Variants in GPHN observed in about 807,000 individuals in gnomAD.
The protein encoded by GPHN is gephyrin.
A neutral mutation model predicts 95.5 loss-of-function variants in GPHN; 17 were observed. The ratio of observed to expected loss-of-function variants is 0.18; its 90% CI spans 0.12 to 0.27. The LOEUF is 0.27. Among genes scored for constraint, GPHN ranks in the 10% least tolerant of loss-of-function variants. GPHN has a pLI of 1.00. For missense variants in GPHN, 660 were observed against 978.1 expected (o/e 0.67, Z 4.34); for synonymous variants, 320 against 322.5 (o/e 0.99, Z 0.08).
At chr14:67,189,837 A>ATTTTTTTTTTTTTTTTTTTTTTTATT in the GPHN span, 1 of 108,096 alleles carries the variant, frequency 9.3e-6, no homozygotes, top group African/African-American at 3.8e-5. Flanking sequence ...ATTTTTTTTA[A>ATTTTTTTTTTTTTTTTTTTTTTTATT]TTTTTTTTTT....
chr14:67,288,246 A>AT, the GPHN span, among the ~76,000 whole-genome samples: 1 of 151,876 alleles, frequency 6.6e-6, no homozygotes, highest in East Asian at 1.9e-4. Flanking sequence ...CACCCAGCTA[A>AT]TTTTTTTGTA....
In GPHN at chr14:67,143,859, A is replaced by G. The variant is rs1213659512; in HGVS notation, c.1836+410A>G. On this transcript the variant is annotated intron_variant, in intron 18 of 22. Coordinates refer to ENST00000478722, the MANE Select transcript of GPHN (RefSeq NM_020806.5). ...ACCATATATTCCAAATCTACCAAGAATGCTTAGCTCCCCTTCCCCACAAGG... is the reference window on the plus strand; with the variant it reads ...ACCATATATTCCAAATCTACCAAGAGTGCTTAGCTCCCCTTCCCCACAAGG... 2.6e-5 allele frequency among the ~76,000 whole-genome samples: 4 copies of G among 152,190 alleles called. No homozygotes were observed. In the South Asian group the frequency reaches 8.3e-4, roughly 32 times the overall value.
chr14:67,199,215 C>G, the GPHN span: 1 of 1,606,936 alleles, frequency 6.2e-7, no homozygotes, highest in South Asian at 1.1e-5. Context: ...AGTCACTGGC[C>G]AGCACCAAGG....
the GPHN span, among the ~76,000 whole-genome samples, chr14:67,339,806 G>C: frequency 1.9e-4 from 29 of 152,086 alleles, no homozygotes; most frequent in East Asian, 7.7e-4. Flanking sequence ...TCATTTTAAA[G>C]AATAATCAAG....
the GPHN span, among the ~76,000 whole-genome samples, chr14:67,565,590 C>T: frequency 6.6e-6 from 1 of 152,186 alleles, no homozygotes; most frequent in African/African-American, 2.4e-5. Context: ...AGCTGTACTT[C>T]CTCTTAAGGG....
chr14:67,576,350 T>C, the GPHN span: 1 of 1,127,150 alleles, frequency 8.9e-7, no homozygotes, highest in Non-Finnish European at 1.3e-6. The surrounding 1 kb of genome is among the most constrained non-coding windows in gnomAD (Gnocchi z 4.0). Flanking sequence ...TTGCCTCCAC[T>C]CTTCCCACCC....
downstream of GPHN, among the ~76,000 whole-genome samples, chr14:67,186,632 A>C (rs889282979): frequency 3.9e-5 from 6 of 152,294 alleles, no homozygotes; most frequent in African/African-American, 1.4e-4. Context: ...GATTCTGAGA[A>C]TGTCAAAAAC....
chr14:67,264,682 A>G, the GPHN span, among the ~76,000 whole-genome samples: 1 of 152,190 alleles, frequency 6.6e-6, no homozygotes, highest in Non-Finnish European at 1.5e-5. Context: ...TAAATGCAAC[A>G]GTGTTTTTTT....
intron 1 of GPHN, among the ~76,000 whole-genome samples, chr14:66,662,769 G>A (rs2065737057): frequency 6.6e-6 from 1 of 152,200 alleles, no homozygotes; most frequent in Admixed American, 6.5e-5. Flanking sequence ...AGCCAGTATG[G>A]AGAATAACGT....
At chr14:66,743,683 A>G (rs1213723661) in intron 2 of GPHN, among the ~76,000 whole-genome samples, 1 of 152,210 alleles carries the variant, frequency 6.6e-6, no homozygotes, top group Non-Finnish European at 1.5e-5. Context: ...CGGTGCTTGC[A>G]GTGAGCGGAG....
At chr14:67,055,288 T>G (rs1053351836) in intron 10 of GPHN, among the ~76,000 whole-genome samples, 27 of 152,176 alleles carry the variant, frequency 1.8e-4, no homozygotes, top group Admixed American at 1.7e-3. Flanking sequence ...AGAGAAGATA[T>G]ACATGCAGCC....
chr14:67,709,443 C>T, the GPHN span, among the ~76,000 whole-genome samples: 1 of 152,134 alleles, frequency 6.6e-6, no homozygotes, highest in Non-Finnish European at 1.5e-5. Context: ...ACCTTTATAA[C>T]CTTTAGGAGT....
At chr14:66,809,529 A>C (rs571431893) in intron 3 of GPHN, among the ~76,000 whole-genome samples, 1 of 152,258 alleles carries the variant, frequency 6.6e-6, no homozygotes, top group Admixed American at 6.5e-5. Flanking sequence ...TCACTTAGAC[A>C]GCTTCTTAAG....
chr14:67,266,007 CTG>C, the GPHN span, among the ~76,000 whole-genome samples: 7 of 152,086 alleles, frequency 4.6e-5, no homozygotes, highest in Non-Finnish European at 1.0e-4. Flanking sequence ...CAAGGTCTCA[CTG>C]TGTTGCCAAG....
the GPHN span, among the ~76,000 whole-genome samples, chr14:67,698,037 C>T: frequency 1.3e-5 from 2 of 148,834 alleles, no homozygotes; most frequent in Non-Finnish European, 3.0e-5. Context: ...GAGATATTCA[C>T]AGGACTGGGG....
intron 9 of GPHN, among the ~76,000 whole-genome samples, chr14:66,982,505 G>T (rs145457550): frequency 6.6e-6 from 1 of 152,226 alleles, no homozygotes; most frequent in East Asian, 1.9e-4. Flanking sequence ...AACATTTTCA[G>T]AATATTTCTA....
chr14:67,490,002 A>G, the GPHN span, among the ~76,000 whole-genome samples: 1 of 152,162 alleles, frequency 6.6e-6, no homozygotes, highest in East Asian at 1.9e-4. Flanking sequence ...AAAAAAAAAA[A>G]AAATTCTGTC....
chr14:67,359,973 T>C, the GPHN span: 1 of 529,686 alleles, frequency 1.9e-6, no homozygotes, highest in Non-Finnish European at 3.3e-6. Flanking sequence ...TCCCAACCCC[T>C]CCCCATCCAG....
At chr14:67,549,544 T>A in the GPHN span, among the ~76,000 whole-genome samples, 8 of 152,190 alleles carry the variant, frequency 5.3e-5, no homozygotes, top group Non-Finnish European at 1.5e-5. Flanking sequence ...GTGCTGGGAT[T>A]ACAGGTGTGA....
Sources: gnomAD v4.1 joint callset for allele counts (sites outside exome capture counted in the v4.1 genomes callset) on GRCh38, gnomAD v4.1.1 for gene constraint, Gnocchi (gnomAD v3.1) non-coding constraint, MANE v1.5 for transcripts, NCBI Gene and HGNC (gene_info 2026-07-23, HGNC 2026-07-21) for gene names.